The following LDB2 variants were observed in gnomAD, a reference collection of about 807,000 sequenced individuals.
The protein encoded by LDB2 is LIM domain binding 2.
Under a neutral mutation model 44.3 loss-of-function variants are expected in LDB2, and 12 were observed. That is an observed-to-expected ratio of 0.27 (90% CI 0.17 to 0.44). LDB2 has a LOEUF of 0.44. LDB2 is among the 20% of genes least tolerant of loss of function. LDB2 has a pLI of 1.00. For synonymous variants in LDB2, 164 were observed against 174.8 expected, an observed-to-expected ratio of 0.94 and a Z score of 0.49; for missense variants, 344 against 473.5, an observed-to-expected ratio of 0.73 and a Z score of 2.54.
At chr4:16,788,897 G>A (rs1264037335) in intron 1 of LDB2, among the ~76,000 whole-genome samples, 1 of 152,186 alleles carries the variant, frequency 6.6e-6, no homozygotes, top group African/African-American at 2.4e-5. Flanking sequence ...GAAGCCAGCA[G>A]CCCACTGCAG....
chr4:16,807,980 C>T lies in LDB2; in HGVS notation c.133-48720G>A, dbSNP rs1779098261. Among the ~76,000 whole-genome samples, 3 of 152,036 alleles carry T rather than the reference C, an allele frequency of 2.0e-5. No individual in the cohort carries two copies. The South Asian group carries it at 6.2e-4, about 32-fold the overall frequency. ...ACAACAGGTGAAGGTAGGCTTTCCC[C>T]AAAGAATTTCTTTCTTTTCCCAATT... On this transcript the variant is annotated intron_variant, in intron 1 of 7. Transcript: ENST00000304523.
At chr4:16,539,034 G>T (rs1732831219) in intron 5 of LDB2, among the ~76,000 whole-genome samples, 1 of 152,172 alleles carries the variant, frequency 6.6e-6, no homozygotes, top group Non-Finnish European at 1.5e-5. Context: ...ATCTTAAGAT[G>T]CTTGTAAGCT....
chr4:16,647,424 A>G (rs1360757714), intron 2 of LDB2, among the ~76,000 whole-genome samples: 3 of 152,232 alleles, frequency 2.0e-5, no homozygotes, highest in Admixed American at 6.5e-5. Context: ...TGAATTGTAT[A>G]GCACATGAAT....
At chr4:16,517,389 CATA>C (rs1393548109) in intron 5 of LDB2, among the ~76,000 whole-genome samples, 3 of 152,118 alleles carry the variant, frequency 2.0e-5, no homozygotes, top group Non-Finnish European at 4.4e-5. Context: ...TAGAACTGAG[CATA>C]ATAACACATG....
chr4:16,659,559 G>A (rs1203830110), intron 2 of LDB2, among the ~76,000 whole-genome samples: 1 of 147,410 alleles, frequency 6.8e-6, no homozygotes, highest in Non-Finnish European at 1.5e-5. Context: ...AAGTAGGCAG[G>A]AGGGAGTTTT....
intron 2 of LDB2, among the ~76,000 whole-genome samples, chr4:16,675,679 G>A (rs551750485): frequency 3.9e-5 from 6 of 152,000 alleles, no homozygotes; most frequent in Admixed American, 1.3e-4. Context: ...AAAGTCACTC[G>A]TACCTTTAAC....
At chr4:16,729,317 C>T (rs907512617) in intron 2 of LDB2, among the ~76,000 whole-genome samples, 8 of 152,138 alleles carry the variant, frequency 5.3e-5, no homozygotes, top group African/African-American at 1.2e-4. Flanking sequence ...TATTATTTAT[C>T]ATAAGGCTAC....
At position 16,511,996 on chromosome 4, in the gene LDB2, T is replaced by G; in HGVS notation, c.724A>C (p.Met242Leu). 1 of 1,613,148 alleles carries G rather than the reference T, an allele frequency of 6.2e-7. No homozygotes were observed. Among genetic ancestry groups the G allele is most frequent in the Non-Finnish European group, 8.5e-7 (1 of 1,179,444 alleles). The change falls in exon 6 of 8, where the codon ATG becomes CTG. Residue 242 changes from methionine (M) to leucine (L), a missense_variant. Coordinates refer to ENST00000304523, the MANE Select transcript of LDB2 (RefSeq NM_001290.5). ...GAGGGTGTACCTGGCGGAGCCACCATCCTCTGCCACTTCTGAAACAAGCAG... is the reference window on the plus strand; with the variant it reads ...GAGGGTGTACCTGGCGGAGCCACCAGCCTCTGCCACTTCTGAAACAAGCAG... ...KTCLFQKWQR[M>L]VAPPAEPTRQ...
intron 2 of LDB2, among the ~76,000 whole-genome samples, chr4:16,601,266 C>T (rs892858223): frequency 4.1e-4 from 62 of 152,264 alleles, no homozygotes; most frequent in African/African-American, 1.2e-3. Flanking sequence ...CCTTACCAAA[C>T]TGCAATTCTC....
At chr4:16,522,299 T>C (rs1045433302) in intron 5 of LDB2, among the ~76,000 whole-genome samples, 3 of 151,720 alleles carry the variant, frequency 2.0e-5, no homozygotes, top group Non-Finnish European at 4.4e-5. Context: ...TGTGTGTGTA[T>C]GTATGTACAG....
intron 2 of LDB2, among the ~76,000 whole-genome samples, chr4:16,757,639 A>T (rs1766948999): frequency 6.6e-6 from 1 of 152,220 alleles, no homozygotes; most frequent in African/African-American, 2.4e-5. Context: ...AGAAAAAAAT[A>T]AGGTGGCTCA....
intron 5 of LDB2, 120 bp from the exon 6 acceptor site, chr4:16,512,224 A>G: frequency 1.0e-6 from 1 of 954,626 alleles, no homozygotes; most frequent in African/African-American, 1.6e-5. Flanking sequence ...CCTGGTTTTG[A>G]TTTTCTTTAT....
At chr4:16,738,657 G>A (rs1762367912) in intron 2 of LDB2, among the ~76,000 whole-genome samples, 1 of 152,174 alleles carries the variant, frequency 6.6e-6, no homozygotes, top group African/African-American at 2.4e-5. Flanking sequence ...AAGGCTACCA[G>A]AGGCATCCAC....
chr4:16,639,045 T>C (rs918311267), intron 2 of LDB2, among the ~76,000 whole-genome samples: 1 of 152,220 alleles, frequency 6.6e-6, no homozygotes, highest in African/African-American at 2.4e-5. Flanking sequence ...CAGGCTTGGA[T>C]CTTTCAACTT....
At chr4:16,894,431 GA>G (rs1029475814) in intron 1 of LDB2, among the ~76,000 whole-genome samples, 21 of 151,376 alleles carry the variant, frequency 1.4e-4, no homozygotes, top group African/African-American at 4.1e-4. Flanking sequence ...TTCTAATGTT[GA>G]AAAAAAAATT....
intron 2 of LDB2, among the ~76,000 whole-genome samples, chr4:16,635,909 A>G (rs183395009): frequency 2.0e-5 from 3 of 152,188 alleles, no homozygotes; most frequent in Non-Finnish European, 2.9e-5. Context: ...GCCTCGCTGG[A>G]TTTGTTGTTT....
At chr4:16,648,534 T>C (rs1255304907) in intron 2 of LDB2, among the ~76,000 whole-genome samples, 1 of 152,212 alleles carries the variant, frequency 6.6e-6, no homozygotes, top group African/African-American at 2.4e-5. Context: ...CATCATGTGG[T>C]CATTCCTCAC....
intron 1 of LDB2, among the ~76,000 whole-genome samples, chr4:16,778,699 G>A (rs1302208655): frequency 6.6e-6 from 1 of 152,072 alleles, no homozygotes; most frequent in East Asian, 1.9e-4. Context: ...TCTCTCTCAG[G>A]CACATGACAT....
chr4:16,563,585 A>G (rs2152384888), intron 5 of LDB2, among the ~76,000 whole-genome samples: 1 of 150,612 alleles, frequency 6.6e-6, no homozygotes, highest in Middle Eastern at 3.4e-3. Context: ...AGTAGCTGGG[A>G]CTACAGGTGC....
Sources: gnomAD v4.1 joint callset for allele counts (sites outside exome capture counted in the v4.1 genomes callset) on GRCh38, gnomAD v4.1.1 for gene constraint, MANE v1.5 for transcripts, NCBI Gene and HGNC (gene_info 2026-07-23, HGNC 2026-07-21) for gene names.